PROX1: variants seen among roughly 807,000 people sequenced by gnomAD.
The protein encoded by PROX1 is prospero homeobox 1.
A neutral mutation model predicts 58.8 loss-of-function variants in PROX1; 7 were observed. That is an observed-to-expected ratio of 0.12 (90% CI 0.07 to 0.22). The LOEUF (loss-of-function observed/expected upper bound fraction) is 0.22, where lower values mean the gene tolerates loss of function less well. Among genes scored for constraint, PROX1 ranks in the 10% least tolerant of loss-of-function variants. The pLI, the probability that PROX1 is intolerant of heterozygous loss-of-function variation, is 1.00. For missense variants in PROX1, 675 were observed against 927.8 expected (o/e 0.73, Z 3.54); for synonymous variants, 350 against 358.3 (o/e 0.98, Z 0.26).
In PROX1 at chr1:213,997,350, G is replaced by A. The variant is rs751339195; in HGVS notation, c.815G>A (p.Gly272Asp). The A allele has an allele frequency of 3.1e-6, 5 of 1,613,950 alleles. No individual in the cohort carries two copies. Among genetic ancestry groups the A allele is most frequent in the Middle Eastern group, 1.6e-4 (1 of 6,084 alleles). Residue 272 changes from glycine (G) to aspartate (D), a missense_variant, in exon 2 of 5, where the codon GGT (glycine) becomes GAT (aspartate). Coordinates refer to ENST00000366958, the MANE Select transcript of PROX1 (RefSeq NM_001270616.2). This position sits in a 1 kb window ranked among gnomAD's most constrained non-coding sequence, Gnocchi z 7.1. ...ACTGATTCGGAAAATGATGAAGATG[G>A]TAACCTGTCTGAAGACAGCATGCGC... The part of the protein sequence containing the change: ...DSTDSENDED[G>D]NLSEDSMRSE...
At chr1:214,021,528 A>G (rs1392106662) in intron 4 of PROX1, among the ~76,000 whole-genome samples, 1 of 152,204 alleles carries the variant, frequency 6.6e-6, no homozygotes, top group Non-Finnish European at 1.5e-5. Flanking sequence ...GCTGCCCTGG[A>G]TCATTTTAGC....
At chr1:213,986,321 C>A (rs1662824022), upstream of PROX1, 1 of 152,172 alleles carries the variant, frequency 6.6e-6, no homozygotes, top group Non-Finnish European at 1.5e-5. Context: ...CTTTTCTTAT[C>A]GCCGACACCT....
chr1:214,006,256 A>G (rs1161836569), intron 3 of PROX1, among the ~76,000 whole-genome samples: 1 of 147,592 alleles, frequency 6.8e-6, no homozygotes. Context: ...TGCTCCCCGC[A>G]CGCAGCTTGT....
intron 1 of PROX1, among the ~76,000 whole-genome samples, chr1:213,996,224 T>G (rs1435973642): frequency 2.0e-5 from 3 of 152,136 alleles, no homozygotes; most frequent in Non-Finnish European, 4.4e-5. Context: ...TGAGAGAGAA[T>G]CATATTACTG....
Position 213,997,508 on chromosome 1 carries a change from C to G in PROX1, c.973C>G (p.Pro325Ala). ...AGAGCAGGAAATGGCTGAAAACAAG[C>G]CGAAGCGAGAAGGCAACAACAAAGA... Reference protein sequence around the residue: ...IREQEMAENKPKREGNNKERD... With the variant: ...IREQEMAENKAKREGNNKERD... The change falls in exon 2 of 5, where the codon CCG becomes GCG. Residue 325 changes from proline to alanine, a missense_variant. Transcript: ENST00000366958. The surrounding 1 kb of genome is among the most constrained non-coding windows in gnomAD (Gnocchi z 7.1). 1.2e-6 allele frequency: 2 copies of G among 1,613,952 alleles called. No homozygotes were observed. Among genetic ancestry groups the G allele is most frequent in the Non-Finnish European group, 1.7e-6 (2 of 1,179,958 alleles).
chr1:214,029,029 C>T (rs1558187315), intron 4 of PROX1: 1 of 152,236 alleles, frequency 6.6e-6, no homozygotes, highest in Non-Finnish European at 1.5e-5. Context: ...TTTAAGTCCA[C>T]TCTGTCTGCA....
rs1165094369 is a variant in PROX1 at position 213,998,069 on chromosome 1, C to T, written c.1534C>T (p.Pro512Ser). The T allele has an allele frequency of 1.9e-6, 3 of 1,613,508 alleles. No homozygotes were observed. The highest frequency in any genetic ancestry group is 1.7e-6 in the Non-Finnish European group (2 of 1,179,734). ...GSFSGKDRAS[P>S]ESLDLTRDTT... ...CTTCTCTGGAAAAGACAGAGCCTCT[C>T]CTGAATCCTTAGACTTAACTAGGGA... Residue 512 changes from proline to serine, a missense_variant, in exon 2 of 5, where the codon CCT becomes TCT. By Grantham distance (74) the Pro-to-Ser change is moderately conservative. Around this residue, in one of 8 missense-constraint regions of PROX1, gnomAD observed 403 missense variants for 477.4 expected, o/e 0.84. Coordinates refer to ENST00000366958, the MANE Select transcript of PROX1 (RefSeq NM_001270616.2).
chr1:214,001,199 C>A (rs1407570637), intron 2 of PROX1, among the ~76,000 whole-genome samples: 6 of 152,074 alleles, frequency 3.9e-5, no homozygotes, highest in Non-Finnish European at 8.8e-5. Context: ...CCACATTAAA[C>A]ATATATGTTC....
At chr1:213,986,596 C>A (rs1662831233), upstream of PROX1, among the ~76,000 whole-genome samples, 1 of 152,150 alleles carries the variant, frequency 6.6e-6, no homozygotes, top group Non-Finnish European at 1.5e-5. Flanking sequence ...GTTGTCACGA[C>A]ACAGCATGAT....
intron 4 of PROX1, among the ~76,000 whole-genome samples, chr1:214,017,080 C>T (rs537017798): frequency 1.3e-5 from 2 of 152,206 alleles, no homozygotes; most frequent in Admixed American, 6.5e-5. Flanking sequence ...GTGAACAAAG[C>T]ATTTTCTACA....
intron 2 of PROX1, among the ~76,000 whole-genome samples, chr1:214,003,765 T>G (rs1293301235): frequency 6.6e-6 from 1 of 152,260 alleles, no homozygotes. Context: ...AATATTTGGT[T>G]AAACACCCTG....
intron 4 of PROX1, chr1:214,030,695 T>A (rs1053368168): frequency 2.0e-5 from 3 of 152,230 alleles, no homozygotes; most frequent in African/African-American, 7.2e-5. Context: ...TGTCTTCTTT[T>A]TAACCTTTGT....
chr1:214,002,956 T>C (rs1210648967), intron 2 of PROX1, among the ~76,000 whole-genome samples: 1 of 152,248 alleles, frequency 6.6e-6, no homozygotes, highest in Non-Finnish European at 1.5e-5. Context: ...AGATTAATTC[T>C]GTGTTCCATT....
chr1:213,992,834 TA>T (rs1264926076), intron 1 of PROX1, among the ~76,000 whole-genome samples: 1 of 152,162 alleles, frequency 6.6e-6, no homozygotes, highest in Non-Finnish European at 1.5e-5. Flanking sequence ...ACTTCTTTAT[TA>T]AAGTAGAGCA....
chr1:214,032,382 T>C (rs1200032062), intron 4 of PROX1, among the ~76,000 whole-genome samples: 2 of 152,036 alleles, frequency 1.3e-5, no homozygotes, highest in Non-Finnish European at 2.9e-5. Flanking sequence ...TACTTTACCA[T>C]TATTTTAAAC....
chr1:213,998,770 A>G (rs1663383299), intron 2 of PROX1, among the ~76,000 whole-genome samples: 1 of 152,250 alleles, frequency 6.6e-6, no homozygotes, highest in Non-Finnish European at 1.5e-5. Context: ...GTTTAAAGAC[A>G]GCCCGATGAA....
intron 2 of PROX1, among the ~76,000 whole-genome samples, chr1:214,001,581 G>T (rs1231534272): frequency 6.6e-6 from 1 of 152,102 alleles, no homozygotes; most frequent in Middle Eastern, 3.2e-3. Flanking sequence ...GAAACAGCCG[G>T]CTTTTTCTAC....
At chr1:214,034,775 T>G (rs1202693160) in intron 4 of PROX1, among the ~76,000 whole-genome samples, 2 of 152,300 alleles carry the variant, frequency 1.3e-5, no homozygotes, top group East Asian at 3.9e-4. Flanking sequence ...ATGTTTATTT[T>G]GGATGATAAG....
chr1:213,994,842 G>C lies in PROX1; in HGVS notation c.-67-1627G>C, dbSNP rs935472050. ...TTGCTTTCATGATACCCTAAAGCAGGCTCTTTTAAAATGTTTTATCTTTCT... is the reference window on the plus strand; with the variant it reads ...TTGCTTTCATGATACCCTAAAGCAGCCTCTTTTAAAATGTTTTATCTTTCT... On this transcript the variant is annotated intron_variant, in intron 1 of 4. Transcript: ENST00000366958. Among the ~76,000 whole-genome samples the C allele has an allele frequency of 2.4e-4, 33 of 135,062 alleles. 2 individuals are homozygous for C. The highest frequency in any genetic ancestry group is 1.1e-4 in the Non-Finnish European group (7 of 64,236). The allele number at this position is 135,062 out of a possible 152,430, so 88.6% of individuals were successfully genotyped here.
Sources: gnomAD v4.1 joint callset for allele counts (sites outside exome capture counted in the v4.1 genomes callset) on GRCh38, gnomAD v4.1.1 for gene constraint, gnomAD v4.1.1 regional missense constraint, Gnocchi (gnomAD v3.1) non-coding constraint, MANE v1.5 for transcripts, NCBI Gene and HGNC (gene_info 2026-07-23, HGNC 2026-07-21) for gene names.